ATP11A: variants seen among roughly 807,000 people sequenced by gnomAD.
ATP11A encodes phospholipid-transporting ATPase IH.
Under a neutral mutation model 154.4 loss-of-function variants are expected in ATP11A, and 81 were observed. The observed-to-expected ratio is 0.52, with a 90% CI of 0.44 to 0.63. The LOEUF is 0.63. ATP11A is among the 30% of genes least tolerant of loss of function. The pLI, the probability that ATP11A is intolerant of heterozygous loss-of-function variation, is 0.00. For synonymous variants in ATP11A, 623 were observed against 585.9 expected (o/e 1.06, Z -0.91); for missense variants, 1,316 against 1,474.3 (o/e 0.89, Z 1.76).
chr13:112,756,517 C>T (rs909738218), intron 1 of ATP11A, among the ~76,000 whole-genome samples: 1 of 152,182 alleles, frequency 6.6e-6, no homozygotes, highest in Admixed American at 6.5e-5. Context: ...TAACAGGGTC[C>T]CTGTCACCTA....
At chr13:112,742,590 C>G (rs138435921) in intron 1 of ATP11A, among the ~76,000 whole-genome samples, 1 of 152,326 alleles carries the variant, frequency 6.6e-6, no homozygotes, top group Non-Finnish European at 1.5e-5. Context: ...ATGCCACTTA[C>G]GATAATTCTG....
Position 112,885,729 on chromosome 13 carries a change from C to A in ATP11A, c.*3863C>A, listed in dbSNP as rs1433965885. 6.6e-6 allele frequency: 1 copy of A among 152,412 alleles called. No individual in the cohort carries two copies. Among genetic ancestry groups the A allele is most frequent in the Non-Finnish European group, 1.5e-5 (1 of 68,136 alleles). The allele number at this position is 152,412 out of a possible 1,614,324, so 9.4% of individuals were successfully genotyped here. On this transcript the variant is annotated 3_prime_UTR_variant, in exon 30 of 30. Coordinates refer to ENST00000375645, the MANE Select transcript of ATP11A (RefSeq NM_015205.3). ...GTGCACACTGTCCTGGTGTCCTGCA[C>A]TGCATCCTGCCTCCTTGCTGAGGGG... is the stretch of plus-strand genomic sequence containing the variant.
At position 112,816,123 on chromosome 13, in the gene ATP11A, C is replaced by A. The variant is rs781681603; in HGVS notation, c.482C>A (p.Pro161His). 2 of 1,614,190 alleles carry A rather than the reference C, an allele frequency of 1.2e-6. No individual in the cohort carries two copies. The highest frequency in any genetic ancestry group is 1.7e-6 in the Non-Finnish European group (2 of 1,180,044). The change falls in exon 6 of 30, where the codon CCC becomes CAC. Residue 161 changes from proline to histidine, a missense_variant. Physicochemically the swap from Pro to His is moderately conservative, Grantham distance 77. Coordinates refer to ENST00000375645, the MANE Select transcript of ATP11A (RefSeq NM_015205.3). ...ATGGTTAAGGAGGACGAGACCTTTC[C>A]CTGCGACTTGATCTTCCTTTCCAGC... ...IVMVKEDETF[P>H]CDLIFLSSNR...
At chr13:112,751,214 G>A (rs1027165967) in intron 1 of ATP11A, among the ~76,000 whole-genome samples, 2 of 152,158 alleles carry the variant, frequency 1.3e-5, no homozygotes, top group Non-Finnish European at 2.9e-5. Context: ...CTACTGTGTC[G>A]AAAGGCATGT....
At chr13:112,819,811 G>A in intron 7 of ATP11A, 89 bp from the exon 8 acceptor site, 1 of 1,391,444 alleles carries the variant, frequency 7.2e-7, no homozygotes, top group Non-Finnish European at 1.0e-6. Flanking sequence ...GTGAAGACGT[G>A]TGGCTCACAG....
Position 112,883,114 on chromosome 13 carries a change from CCTCGTCTCCTCATCCCCACGTCCT to C in ATP11A, c.*1255_*1278del. 4.1e-6 allele frequency: 1 copy of C among 242,854 alleles called. No homozygotes were observed. The highest frequency in any genetic ancestry group is 6.8e-6 in the Non-Finnish European group (1 of 146,738). 15.0% of individuals were successfully genotyped at this position (242,854 alleles called of 1,614,324 possible). On this transcript the variant is annotated 3_prime_UTR_variant, in exon 30 of 30. Transcript: ENST00000375645. The stretch of plus-strand genomic sequence containing the variant: ...GTCCTGTCACCTCGTCCCCACGTCC[CCTCGTCTCCTCATCCCCACGTCCT>C]CTCGTCCCCTTGTCCCGTCCCCACA...
intron 5 of ATP11A, among the ~76,000 whole-genome samples, chr13:112,813,611 T>C (rs2078564737): frequency 6.6e-6 from 1 of 152,250 alleles, no homozygotes; most frequent in African/African-American, 2.4e-5. Flanking sequence ...TCATTTCTTT[T>C]GCATAAAAGC....
At chr13:112,835,057 G>T (rs547410753) in intron 15 of ATP11A, among the ~76,000 whole-genome samples, 1 of 152,268 alleles carries the variant, frequency 6.6e-6, no homozygotes, top group Non-Finnish European at 1.5e-5. Context: ...CATGAGTCCC[G>T]CAGGGAGGAA....
chr13:112,858,968 C>T, intron 22 of ATP11A: 1 of 258,296 alleles, frequency 3.9e-6, no homozygotes, highest in South Asian at 4.5e-5. Flanking sequence ...GGGAATGTAC[C>T]CCTGAGGATG....
chr13:112,703,907 G>T (rs760405779), intron 1 of ATP11A, among the ~76,000 whole-genome samples: 10 of 152,206 alleles, frequency 6.6e-5, no homozygotes, highest in Non-Finnish European at 1.3e-4. Context: ...TGTCTGCTCA[G>T]TAAACTCAGA....
At chr13:112,824,877 G>A (rs1262548932) in intron 10 of ATP11A, among the ~76,000 whole-genome samples, 2 of 152,206 alleles carry the variant, frequency 1.3e-5, no homozygotes, top group Non-Finnish European at 2.9e-5. Context: ...TGTCAGGATG[G>A]TAGCTGAATT....
chr13:112,877,064 C>T lies in ATP11A; in HGVS notation c.3327+1123C>T, dbSNP rs138686497. Among the ~76,000 whole-genome samples the T allele has an allele frequency of 1.1e-3, 171 of 152,352 alleles. 1 individual carries two copies. The highest frequency in any genetic ancestry group is 3.9e-4 in the East Asian group (2 of 5,186). On this transcript the variant is annotated intron_variant, in intron 28 of 29. Coordinates refer to ENST00000375645, the MANE Select transcript of ATP11A (RefSeq NM_015205.3). ...TTGTAAAATCAGAGCGAGCAAAACT[C>T]GTGGTGAAGAGACTGCCTCTCAATG...
At chr13:112,879,903 C>G (rs958117943) in intron 29 of ATP11A, among the ~76,000 whole-genome samples, 1 of 152,202 alleles carries the variant, frequency 6.6e-6, no homozygotes, top group Admixed American at 6.5e-5. Context: ...CATATATGCC[C>G]GTGCTGGCAT....
Position 112,690,770 on chromosome 13 carries a change from G to A in ATP11A, c.39+315G>A, listed in dbSNP as rs1337683252. The stretch of plus-strand genomic sequence containing the variant: ...GGGGTCCCTCGGAGAGGCTGGCTGG[G>A]GTTCGAGCTGTCCCGGCGGACCGGG... On this transcript the variant is annotated intron_variant, in intron 1 of 29. Transcript: ENST00000375645. The surrounding 1 kb of genome is among the most constrained non-coding windows in gnomAD (Gnocchi z 5.6). Among the ~76,000 whole-genome samples, 1 of 152,094 alleles carries A rather than the reference G, an allele frequency of 6.6e-6. No homozygotes were observed. The highest frequency in any genetic ancestry group is 2.4e-5 in the African/African-American group (1 of 41,430).
In ATP11A at chr13:112,843,834, C is replaced by T. The variant is rs114244791; in HGVS notation, c.1809+1455C>T. ...GTCGACGTGCGGATCATCATCTTTA[C>T]GTTGCTATTAAAACAGCTCCTGGCA... On this transcript the variant is annotated intron_variant, in intron 17 of 29. Coordinates refer to ENST00000375645, the MANE Select transcript of ATP11A (RefSeq NM_015205.3). Among the ~76,000 whole-genome samples, 745 of 152,302 alleles carry T rather than the reference C, an allele frequency of 4.9e-3. 8 individuals are homozygous for T. Among genetic ancestry groups the T allele is most frequent in the African/African-American group, 0.016 (646 of 41,562 alleles).
At chr13:112,861,144 G>A (rs190883288) in intron 24 of ATP11A, among the ~76,000 whole-genome samples, 7 of 152,128 alleles carry the variant, frequency 4.6e-5, no homozygotes, top group East Asian at 3.9e-4. Flanking sequence ...ATCAGATATC[G>A]TGAGACTTAG....
intron 4 of ATP11A, among the ~76,000 whole-genome samples, chr13:112,808,483 C>T (rs2078388592): frequency 1.4e-5 from 2 of 145,012 alleles, no homozygotes; most frequent in Non-Finnish European, 3.1e-5. Flanking sequence ...CCCACCCCCT[C>T]GACCTTCCCC....
rs1243879401 is a variant in ATP11A, at chr13:112,696,998, C to T, written c.39+6543C>T. 1 of 152,184 alleles carries T rather than the reference C, an allele frequency of 6.6e-6. No homozygotes were observed. The highest frequency in any genetic ancestry group is 1.5e-5 in the Non-Finnish European group (1 of 68,232). 9.4% of individuals were successfully genotyped at this position (152,184 alleles called of 1,614,324 possible). On this transcript the variant is annotated intron_variant, in intron 1 of 29. Coordinates refer to ENST00000375645, the MANE Select transcript of ATP11A (RefSeq NM_015205.3). This position sits in a 1 kb window ranked among gnomAD's most constrained non-coding sequence, Gnocchi z 6.2. ...GTGCGTGCGCAGGCTGGCGGGTGGG[C>T]GAGGCGGGTGGAGGATGCGTGGGGC...
chr13:112,782,103 C>T (rs2077515023), intron 1 of ATP11A, among the ~76,000 whole-genome samples: 3 of 152,264 alleles, frequency 2.0e-5, no homozygotes, highest in Admixed American at 2.0e-4. Flanking sequence ...AACGCCGCTA[C>T]ACTGTTGGGC....
Sources: allele counts gnomAD v4.1 joint callset (sites outside exome capture counted in the v4.1 genomes callset), GRCh38; gene constraint gnomAD v4.1.1; non-coding constraint Gnocchi (gnomAD v3.1); transcripts MANE v1.5; gene names NCBI Gene and HGNC (gene_info 2026-07-23, HGNC 2026-07-21).